Variants in MSL2 observed in about 807,000 individuals in gnomAD.
MSL2 encodes the protein E3 ubiquitin-protein ligase MSL2.
A neutral mutation model predicts 35.8 loss-of-function variants in MSL2; 2 were observed. That is an observed-to-expected ratio of 0.06 (90% CI 0.02 to 0.18). MSL2 has a LOEUF of 0.18. Ranked by LOEUF, MSL2 falls within the 10% of genes least tolerant of loss-of-function variation. MSL2 has a pLI of 1.00. For synonymous variants in MSL2, 296 were observed against 255.7 expected, an observed-to-expected ratio of 1.16 and a Z score of -1.50; for missense variants, 523 against 706.7, an observed-to-expected ratio of 0.74 and a Z score of 2.95.
At chr3:136,178,567 C>G (rs767974978) in intron 1 of MSL2, among the ~76,000 whole-genome samples, 1 of 148,428 alleles carries the variant, frequency 6.7e-6, no homozygotes, top group Non-Finnish European at 1.5e-5. Context: ...GGGTCTCACT[C>G]TGTCGCCCAG....
At chr3:136,177,682 A>C (rs9841321) in intron 1 of MSL2, among the ~76,000 whole-genome samples, 21,531 of 135,730 alleles carry the variant, frequency 0.16, 677 homozygotes, top group East Asian at 0.33. Context: ...CCGTCTCATA[A>C]AAAAAAAAAA....
intron 1 of MSL2, among the ~76,000 whole-genome samples, chr3:136,168,885 G>A (rs1036305228): frequency 4.6e-5 from 7 of 151,870 alleles, no homozygotes; most frequent in Admixed American, 2.0e-4. Flanking sequence ...CTTTCCAAAT[G>A]GCCCAGATAA....
At chr3:136,192,232 G>A (rs925882902) in intron 1 of MSL2, among the ~76,000 whole-genome samples, 3 of 152,184 alleles carry the variant, frequency 2.0e-5, no homozygotes, top group Non-Finnish European at 4.4e-5. Context: ...GAGTGCAGTG[G>A]TGCGATCTCG....
chr3:136,176,487 C>G (rs996822874), intron 1 of MSL2, among the ~76,000 whole-genome samples: 1 of 148,278 alleles, frequency 6.7e-6, no homozygotes, highest in African/African-American at 2.5e-5. Context: ...TGCACTCCAG[C>G]CTGGGCAACC....
At chr3:136,179,390 C>G (rs1940273937) in intron 1 of MSL2, among the ~76,000 whole-genome samples, 1 of 152,048 alleles carries the variant, frequency 6.6e-6, no homozygotes, top group African/African-American at 2.4e-5. Context: ...ACTATACTGC[C>G]CAAACTGGTC....
chr3:136,188,382 C>T (rs1405498295), intron 1 of MSL2, among the ~76,000 whole-genome samples: 2 of 150,556 alleles, frequency 1.3e-5, no homozygotes, highest in East Asian at 3.9e-4. Flanking sequence ...TGCAGTGAGC[C>T]GAGATCGCAC....
intron 1 of MSL2, among the ~76,000 whole-genome samples, chr3:136,191,291 A>AC (rs1381893265): frequency 6.6e-6 from 1 of 152,030 alleles, no homozygotes; most frequent in Non-Finnish European, 1.5e-5. Context: ...ACATGGTGAA[A>AC]CCCCGTCTCT....
intron 1 of MSL2, among the ~76,000 whole-genome samples, chr3:136,172,258 T>C (rs1335710559): frequency 6.6e-6 from 1 of 152,152 alleles, no homozygotes; most frequent in African/African-American, 2.4e-5. Flanking sequence ...CTCATCATAC[T>C]CATACTCACT....
intron 1 of MSL2, among the ~76,000 whole-genome samples, chr3:136,174,590 A>G (rs931734935): frequency 1.3e-5 from 2 of 152,198 alleles, no homozygotes; most frequent in Non-Finnish European, 2.9e-5. Flanking sequence ...GAAGGGGAGG[A>G]TGGATTCTCA....
rs536960538 is a variant in MSL2, at chr3:136,177,974, G to C, written c.142+16998C>G. Among the ~76,000 whole-genome samples, 9 of 152,016 alleles carry C rather than the reference G, an allele frequency of 5.9e-5. No individual in the cohort carries two copies. The South Asian group carries it at 1.9e-3, about 32-fold the overall frequency. On this transcript the variant is annotated intron_variant, in intron 1 of 1. Transcript: ENST00000309993. ...TTAATTTTGTATTGAATCATCTTTG[G>C]GTAAGTCAGTACTTTATACATGCAC...
At chr3:136,162,822 T>G (rs1420860624) in intron 1 of MSL2, among the ~76,000 whole-genome samples, 2 of 152,202 alleles carry the variant, frequency 1.3e-5, no homozygotes, top group Non-Finnish European at 2.9e-5. Flanking sequence ...CGAATGACTA[T>G]AACACAGAAA....
intron 1 of MSL2, among the ~76,000 whole-genome samples, chr3:136,158,124 C>A (rs1939585044): frequency 6.6e-6 from 1 of 152,006 alleles, no homozygotes; most frequent in Non-Finnish European, 1.5e-5. Context: ...CCAGCCTGAC[C>A]AACATGGAGA....
chr3:136,185,186 G>A (rs1940483879), intron 1 of MSL2, among the ~76,000 whole-genome samples: 1 of 151,814 alleles, frequency 6.6e-6, no homozygotes, highest in Non-Finnish European at 1.5e-5. Context: ...ATGTTGGCTA[G>A]GCTGATCTCA....
intron 1 of MSL2, among the ~76,000 whole-genome samples, chr3:136,180,470 G>C (rs1940308946): frequency 6.6e-6 from 1 of 151,840 alleles, no homozygotes; most frequent in Admixed American, 6.6e-5. Context: ...GGGAGGCTGA[G>C]GTGGGCAGAT....
intron 1 of MSL2, among the ~76,000 whole-genome samples, chr3:136,157,789 T>C (rs1939575635): frequency 6.6e-6 from 1 of 152,164 alleles, no homozygotes; most frequent in Non-Finnish European, 1.5e-5. Flanking sequence ...ATGACCAAAA[T>C]TCACTGGAGA....
At chr3:136,188,210 G>A (rs1940576951) in intron 1 of MSL2, among the ~76,000 whole-genome samples, 1 of 152,132 alleles carries the variant, frequency 6.6e-6, no homozygotes, top group African/African-American at 2.4e-5. Context: ...CAAGCTGGGG[G>A]AGTTCACAAG....
intron 1 of MSL2, among the ~76,000 whole-genome samples, chr3:136,188,431 T>A (rs373237428): frequency 7.1e-6 from 1 of 140,064 alleles, no homozygotes; most frequent in East Asian, 2.1e-4. Flanking sequence ...AGACTCCATC[T>A]GGAAGAAGAA....
Position 136,152,503 on chromosome 3 carries a change from A to G in MSL2, c.378T>C (p.Ser126=), listed in dbSNP as rs773557055. 1.2e-6 allele frequency: 2 copies of G among 1,614,244 alleles called. No homozygotes were observed. The highest frequency in any genetic ancestry group is 1.7e-5 in the Admixed American group (1 of 60,028). The change falls in exon 2 of 2, where the codon TCT becomes TCC. Residue 126 remains serine, a synonymous_variant. Coordinates refer to ENST00000309993, the MANE Select transcript of MSL2 (RefSeq NM_018133.4). ...ARDIIEAVDC[S]SDILALLNDG... ...CATTAAGCAAAGCCAAAATATCAGA[A>G]GAACAGTCAACTGCTTCTATTATAT...
At chr3:136,193,012 C>G (rs1309255474) in intron 1 of MSL2, among the ~76,000 whole-genome samples, 2 of 151,896 alleles carry the variant, frequency 1.3e-5, no homozygotes, top group Admixed American at 6.6e-5. Flanking sequence ...GCTACTCAAT[C>G]ATAAGGGAGA....
Sources: gnomAD v4.1 joint callset for allele counts (sites outside exome capture counted in the v4.1 genomes callset) on GRCh38, gnomAD v4.1.1 for gene constraint, MANE v1.5 for transcripts, NCBI Gene and HGNC (gene_info 2026-07-23, HGNC 2026-07-21) for gene names.